The following MFAP3 variants were observed in gnomAD, a reference collection of about 807,000 sequenced individuals.
MFAP3 encodes microfibril associated protein 3, also known as microfibril-associated glycoprotein 3.
MFAP3 carries 8 observed loss-of-function variants against 20.5 expected under a neutral mutation model. The ratio of observed to expected loss-of-function variants is 0.39; its 90% CI spans 0.23 to 0.70. The LOEUF (loss-of-function observed/expected upper bound fraction) is 0.70, where lower values mean the gene tolerates loss of function less well. MFAP3 is among the 30% of genes least tolerant of loss of function. The pLI, the probability that MFAP3 is intolerant of heterozygous loss-of-function variation, is 0.44. For synonymous variants in MFAP3, 140 were observed against 154.0 expected (o/e 0.91, Z 0.67); for missense variants, 398 against 444.6 (o/e 0.90, Z 0.94).
intron 2 of MFAP3, among the ~76,000 whole-genome samples, chr5:154,052,693 G>A (rs1284838970): frequency 6.6e-6 from 1 of 152,116 alleles, no homozygotes; most frequent in Non-Finnish European, 1.5e-5. Context: ...TTAATTATTA[G>A]TGTCATGAAG....
chr5:154,048,360 C>T, intron 1 of MFAP3, among the ~76,000 whole-genome samples: 2 of 152,144 alleles, frequency 1.3e-5, no homozygotes, highest in Non-Finnish European at 2.9e-5. Context: ...ACCATCCTTT[C>T]AAGGGTTAAT....
rs1313733830 is a variant in MFAP3, at chr5:154,053,058, G to C, written c.434G>C (p.Gly145Ala). 6.2e-7 allele frequency: 1 copy of C among 1,613,702 alleles called. No homozygotes were observed. Among genetic ancestry groups the C allele is most frequent in the Non-Finnish European group, 8.5e-7 (1 of 1,179,884 alleles). ...SVTLRVIFTS[G>A]DMSVYYMIVC... ...ACCCTACGTGTTATCTTCACCTCGGGAGACATGAGTGTCTATTACATGATT... is the reference window on the plus strand; with the variant it reads ...ACCCTACGTGTTATCTTCACCTCGGCAGACATGAGTGTCTATTACATGATT... Residue 145 changes from glycine (G) to alanine (A), a missense_variant, in exon 3 of 3, where the codon GGA (glycine) becomes GCA (alanine). By Grantham distance (60) the Gly-to-Ala change is moderately conservative. Transcript: ENST00000522782.
At chr5:154,040,295 C>T (rs1561586632) in intron 1 of MFAP3, among the ~76,000 whole-genome samples, 1 of 152,128 alleles carries the variant, frequency 6.6e-6, no homozygotes, top group Non-Finnish European at 1.5e-5. Flanking sequence ...TATATGTTAA[C>T]ATAGATAGCA....
chr5:154,047,894 G>A (rs560480117), intron 1 of MFAP3, among the ~76,000 whole-genome samples: 3 of 152,258 alleles, frequency 2.0e-5, no homozygotes, highest in Non-Finnish European at 2.9e-5. Flanking sequence ...GCCTGTCACC[G>A]TTGAGAACCA....
chr5:154,047,057 A>G (rs1034223478), intron 1 of MFAP3, among the ~76,000 whole-genome samples: 1 of 151,122 alleles, frequency 6.6e-6, no homozygotes, highest in African/African-American at 2.4e-5. Context: ...TTTGTGAACA[A>G]CTCCTGACCA....
In MFAP3 at chr5:154,049,748, C is replaced by A; in HGVS notation, c.26C>A (p.Thr9Asn). 6.2e-7 allele frequency: 1 copy of A among 1,613,438 alleles called. No homozygotes were observed. Among genetic ancestry groups the A allele is most frequent in the Non-Finnish European group, 8.5e-7 (1 of 1,179,570 alleles). ...ATGAAGCTACATTGTTGCTTATTCACTTTAGTGGCAAGTATTATTGTGCCA... is the reference window on the plus strand; with the variant it reads ...ATGAAGCTACATTGTTGCTTATTCAATTTAGTGGCAAGTATTATTGTGCCA... MKLHCCLF[T>N]LVASIIVPAA... Residue 9 changes from threonine to asparagine, a missense_variant, in exon 2 of 3, where the codon ACT becomes AAT. Transcript: ENST00000522782.
intron 1 of MFAP3, among the ~76,000 whole-genome samples, chr5:154,049,015 A>C (rs1420381614): frequency 3.9e-5 from 6 of 152,192 alleles, no homozygotes; most frequent in Non-Finnish European, 5.9e-5. Context: ...AACCCACCTC[A>C]GGTGTCCCTG....
chr5:154,049,831 CGTA>C lies in MFAP3; in HGVS notation c.112_114del (p.Ser39del), dbSNP rs1437898914. ...CCAAATGGTTTCACTGGAAGCAAATCGTAGTTCTTACAATGCATCCTTTCCCTC... is the reference window on the plus strand; with the variant it reads ...CCAAATGGTTTCACTGGAAGCAAATCGTTCTTACAATGCATCCTTTCCCTC... On this transcript the variant is annotated inframe_deletion, in exon 2 of 3. Transcript: ENST00000522782. 6.2e-7 allele frequency: 1 copy of C among 1,613,546 alleles called. No homozygotes were observed. The highest frequency in any genetic ancestry group is 8.5e-7 in the Non-Finnish European group (1 of 1,179,720).
rs1408310897 is a variant in MFAP3, at chr5:154,056,402, TATCTA to T, written c.*2693_*2697del. Among the ~76,000 whole-genome samples the T allele has an allele frequency of 6.6e-6, 1 of 152,254 alleles. No homozygotes were observed. Among genetic ancestry groups the T allele is most frequent in the African/African-American group, 2.4e-5 (1 of 41,474 alleles). On this transcript the variant is annotated 3_prime_UTR_variant, in exon 3 of 3. Coordinates refer to ENST00000522782, the MANE Select transcript of MFAP3 (RefSeq NM_005927.5). ...AAACCACACTTACTAATGTTTTCTG[TATCTA>T]ATCAAATACTCTTCATATATAATTA...
rs755416831 is a variant in MFAP3, at chr5:154,053,656, A to C, written c.1032A>C (p.Gly344=). 3 of 1,613,908 alleles carry C rather than the reference A, an allele frequency of 1.9e-6. No individual in the cohort carries two copies. The Admixed American group carries it at 5.0e-5, about 27-fold the overall frequency. Reference sequence around the variant, plus strand: ...ATTTCAGTCCACCTGATGATATAGGATCTGCAGAATCTAACTGTAACTACA... The same window carrying C: ...ATTTCAGTCCACCTGATGATATAGGCTCTGCAGAATCTAACTGTAACTACA... The part of the protein sequence containing the change: ...SSHFSPPDDI[G]SAESNCNYKD... Residue 344 remains glycine, a synonymous_variant, in exon 3 of 3, where the codon GGA becomes GGC. Coordinates refer to ENST00000522782, the MANE Select transcript of MFAP3 (RefSeq NM_005927.5).
At chr5:154,050,943 AG>A (rs1395142940) in intron 2 of MFAP3, among the ~76,000 whole-genome samples, 1 of 152,098 alleles carries the variant, frequency 6.6e-6, no homozygotes, top group African/African-American at 2.4e-5. Flanking sequence ...TTTTTTTGTT[AG>A]GAAGATAGTG....
Position 154,053,819 on chromosome 5 carries a change from C to A in MFAP3, c.*106C>A. 1 of 1,049,878 alleles carries A rather than the reference C, an allele frequency of 9.5e-7. No individual in the cohort carries two copies. The highest frequency in any genetic ancestry group is 1.4e-6 in the Non-Finnish European group (1 of 716,286). 65.0% of individuals were successfully genotyped at this position (1,049,878 alleles called of 1,614,324 possible). A position where few individuals can be genotyped will look rare whatever the true frequency, so the allele number is the denominator to read the frequency against. On this transcript the variant is annotated 3_prime_UTR_variant, in exon 3 of 3. Transcript: ENST00000522782. ...TTGCCAAAAGATGACTGGGGTTTTC[C>A]GTTTGTTAATATTAAGCACATCAGA...
Position 154,057,054 on chromosome 5 carries a change from T to C in MFAP3, c.*3341T>C, listed in dbSNP as rs535520829. Among the ~76,000 whole-genome samples the C allele has an allele frequency of 3.8e-4, 58 of 152,312 alleles. 1 individual carries two copies. Among genetic ancestry groups the C allele is most frequent in the African/African-American group, 1.3e-3 (53 of 41,562 alleles). ...TCACCCTCTGCATGTAGCTTCACCC[T>C]AGATCAGACTTTTGTCTCTTGGGTC... On this transcript the variant is annotated 3_prime_UTR_variant, in exon 3 of 3. Coordinates refer to ENST00000522782, the MANE Select transcript of MFAP3 (RefSeq NM_005927.5).
intron 1 of MFAP3, among the ~76,000 whole-genome samples, chr5:154,047,839 CAAAGTTCTGGAG>C (rs1171712975): frequency 6.6e-6 from 1 of 152,150 alleles, no homozygotes; most frequent in Non-Finnish European, 1.5e-5. Context: ...AACTCCTAAT[CAAAGTTCTGGAG>C]AAAGCCTGGA....
At position 154,043,943 on chromosome 5, in the gene MFAP3, C is replaced by A. The variant is rs114282956; in HGVS notation, c.-167+4932C>A. 2.6e-3 allele frequency among the ~76,000 whole-genome samples: 393 copies of A among 152,176 alleles called. 2 individuals carry two copies. The highest frequency in any genetic ancestry group is 9.3e-3 in the African/African-American group (385 of 41,514). On this transcript the variant is annotated intron_variant, in intron 1 of 2. Coordinates refer to ENST00000522782, the MANE Select transcript of MFAP3 (RefSeq NM_005927.5). ...GGATCATATGTTCAAAGCATGCAGG[C>A]CTAATATTATAGGAAGTCCCAAACA... is the stretch of plus-strand genomic sequence containing the variant.
chr5:154,047,655 G>A (rs1773098423), intron 1 of MFAP3, among the ~76,000 whole-genome samples: 1 of 152,174 alleles, frequency 6.6e-6, no homozygotes, highest in African/African-American at 2.4e-5. Context: ...CAGAACTGAT[G>A]TAGAGTTTCC....
In MFAP3 at chr5:154,049,831, C is replaced by T. The variant is rs761733582; in HGVS notation, c.109C>T (p.Arg37Cys). Residue 37 changes from arginine (R) to cysteine (C), a missense_variant, in exon 2 of 3, where the codon CGT becomes TGT. Coordinates refer to ENST00000522782, the MANE Select transcript of MFAP3 (RefSeq NM_005927.5). The part of the protein sequence containing the change: ...FDQMVSLEAN[R>C]SSYNASFPSS... ...CCAAATGGTTTCACTGGAAGCAAAT[C>T]GTAGTTCTTACAATGCATCCTTTCC... is the stretch of plus-strand genomic sequence containing the variant. 1.2e-5 allele frequency: 19 copies of T among 1,613,546 alleles called. No individual in the cohort carries two copies. Among genetic ancestry groups the T allele is most frequent in the African/African-American group, 2.7e-5 (2 of 74,910 alleles).
chr5:154,057,324 T>C lies in MFAP3; in HGVS notation c.*3611T>C, dbSNP rs1773355413. Among the ~76,000 whole-genome samples, 2 of 152,220 alleles carry C rather than the reference T, an allele frequency of 1.3e-5. No homozygotes were observed. On this transcript the variant is annotated 3_prime_UTR_variant, in exon 3 of 3. Coordinates refer to ENST00000522782, the MANE Select transcript of MFAP3 (RefSeq NM_005927.5). The stretch of plus-strand genomic sequence containing the variant: ...AAAGTAAATAAGTATTTCATATAAT[T>C]CAGAGGATGTTTAAATTGTCAGCAT...
intron 1 of MFAP3, among the ~76,000 whole-genome samples, chr5:154,045,573 AAC>A (rs1228980248): frequency 6.6e-6 from 1 of 152,240 alleles, no homozygotes; most frequent in Admixed American, 6.5e-5. Flanking sequence ...AAGAACCATG[AAC>A]AATAATAATA....
Sources: allele counts gnomAD v4.1 joint callset (sites outside exome capture counted in the v4.1 genomes callset), GRCh38; gene constraint gnomAD v4.1.1; transcripts MANE v1.5; gene names NCBI Gene and HGNC (gene_info 2026-07-23, HGNC 2026-07-21).